The following OPN4 variants were observed in gnomAD, a reference collection of about 807,000 sequenced individuals.
OPN4 encodes opsin 4, also known as melanopsin.
In OPN4, 43 loss-of-function variants were observed where a neutral mutation model predicts 49.5. The observed-to-expected ratio is 0.87, with a 90% confidence interval of 0.68 to 1.12. OPN4 has a LOEUF of 1.12. OPN4 is among the 50% of genes most tolerant of loss of function. The pLI is 0.00. For synonymous variants in OPN4, 263 were observed against 258.0 expected, an observed-to-expected ratio of 1.02 and a Z score of -0.19; for missense variants, 657 against 643.9, an observed-to-expected ratio of 1.02 and a Z score of -0.22.
At chr10:86,659,268 A>G (rs1843943258) in intron 4 of OPN4, 29 bp from the exon 5 acceptor site, 1 of 1,594,060 alleles carries the variant, frequency 6.3e-7, no homozygotes, top group Non-Finnish European at 8.5e-7. Context: ...GTGCCGCCCC[A>G]AAGGCTGAGC....
Position 86,665,875 on chromosome 10 carries a change from T to G in OPN4, c.*124T>G. The G allele has an allele frequency of 1.3e-6, 1 of 772,202 alleles. No individual in the cohort carries two copies. Among genetic ancestry groups the G allele is most frequent in the East Asian group, 2.5e-5 (1 of 39,416 alleles). 47.8% of individuals were successfully genotyped at this position (772,202 alleles called of 1,614,324 possible). Reference sequence around the variant, plus strand: ...TTGGAAGTGGCCCTGTCACCCGTGCTGCACGGGATTCACAGCCCCAGCCCC... The same window carrying G: ...TTGGAAGTGGCCCTGTCACCCGTGCGGCACGGGATTCACAGCCCCAGCCCC... On this transcript the variant is annotated 3_prime_UTR_variant, in exon 10 of 10. Coordinates refer to ENST00000241891, the MANE Select transcript of OPN4 (RefSeq NM_033282.4).
intron 9 of OPN4, 67 bp from the exon 10 acceptor site, chr10:86,665,646 G>C (rs200393031): frequency 2.5e-5 from 34 of 1,354,570 alleles, no homozygotes; most frequent in Non-Finnish European, 5.3e-6. Context: ...GTGTGTGGAG[G>C]GTCATCGGGA....
intron 5 of OPN4, 62 bp from the exon 6 acceptor site, chr10:86,659,833 C>A: frequency 6.4e-7 from 1 of 1,557,420 alleles, no homozygotes; most frequent in Non-Finnish European, 8.8e-7. Flanking sequence ...CAACAGCAGC[C>A]GTGACCCTGG....
chr10:86,656,737 G>T (rs1284414234), intron 2 of OPN4, among the ~76,000 whole-genome samples: 1 of 151,992 alleles, frequency 6.6e-6, no homozygotes, highest in Non-Finnish European at 1.5e-5. Context: ...CTGAGATCAG[G>T]GTTCGAGACC....
At chr10:86,658,865 C>A (rs1412826384) in intron 4 of OPN4, among the ~76,000 whole-genome samples, 178 bp downstream of exon 4, 1 of 152,168 alleles carries the variant, frequency 6.6e-6, no homozygotes. Flanking sequence ...ACTGACACTG[C>A]CCCATCAGGG....
chr10:86,663,770 C>A lies in OPN4; in HGVS notation c.1366C>A (p.Pro456Thr). The change falls in exon 9 of 10, where the codon CCC becomes ACC. Residue 456 changes from proline (P) to threonine (T), a missense_variant. Coordinates refer to ENST00000241891, the MANE Select transcript of OPN4 (RefSeq NM_033282.4). ...CTTGGAAGCCAAGGCACCCCCCAGA[C>A]CCCAGGGACACGAAGCAGAGACTCC... ...EDLEAKAPPR[P>T]QGHEAETPGK... 1 of 1,559,354 alleles carries A rather than the reference C, an allele frequency of 6.4e-7. No homozygotes were observed. The highest frequency in any genetic ancestry group is 1.2e-5 in the South Asian group (1 of 84,586).
At chr10:86,656,076 A>C in intron 1 of OPN4, 79 bp from the exon 2 acceptor site, 1 of 1,592,512 alleles carries the variant, frequency 6.3e-7, no homozygotes, top group Non-Finnish European at 8.6e-7. Context: ...CCTGTTGAGA[A>C]TCCTAACTCT....
At chr10:86,661,572 C>T in intron 7 of OPN4, among the ~76,000 whole-genome samples, 184 bp downstream of exon 7, 1 of 152,144 alleles carries the variant, frequency 6.6e-6, no homozygotes, top group East Asian at 1.9e-4. Flanking sequence ...GCCCCAGCTT[C>T]CCAGGGGTCA....
chr10:86,658,383 G>T, intron 3 of OPN4, 101 bp from the exon 4 acceptor site: 1 of 1,349,804 alleles, frequency 7.4e-7, no homozygotes, highest in East Asian at 2.5e-5. Flanking sequence ...GGGGTGGAGT[G>T]CGCTCAGTCC....
At chr10:86,658,800 T>G in intron 4 of OPN4, 113 bp downstream of exon 4, 1 of 1,041,130 alleles carries the variant, frequency 9.6e-7, no homozygotes, top group Non-Finnish European at 1.4e-6. Flanking sequence ...GCCCAGGAGC[T>G]ACCTGAGCCT....
intron 6 of OPN4, among the ~76,000 whole-genome samples, 177 bp downstream of exon 6, chr10:86,660,236 C>A (rs1327747899): frequency 6.6e-6 from 1 of 152,212 alleles, no homozygotes; most frequent in Non-Finnish European, 1.5e-5. Context: ...GGGTGGGGGG[C>A]CACCTAGTTC....
chr10:86,657,051 C>T (rs1843886391), intron 2 of OPN4: 2 of 626,038 alleles, frequency 3.2e-6, no homozygotes, highest in Admixed American at 2.4e-5. Flanking sequence ...TGCCCCCCTG[C>T]CTGGCTCAGT....
At chr10:86,665,160 G>A (rs570222238) in intron 9 of OPN4, among the ~76,000 whole-genome samples, 1 of 152,242 alleles carries the variant, frequency 6.6e-6, no homozygotes, top group African/African-American at 2.4e-5. Context: ...TGTGACCCTG[G>A]GAGCAGCCAG....
Position 86,660,037 on chromosome 10 carries a change from G to A in OPN4, c.943G>A (p.Val315Met), listed in dbSNP as rs1298304753. 6.2e-7 allele frequency: 1 copy of A among 1,614,182 alleles called. No individual in the cohort carries two copies. The highest frequency in any genetic ancestry group is 8.5e-7 in the Non-Finnish European group (1 of 1,180,026). Residue 315 changes from valine (V) to methionine (M), a missense_variant, in exon 6 of 10, where the codon GTG becomes ATG. Transcript: ENST00000241891. ...GCTCTCCTGGGCTCCCTATTCCGCT[G>A]TGGCCCTGGTGGCCTTTGCTGGGTA... ...FVLSWAPYSA[V>M]ALVAFAGYAH...
chr10:86,659,858 C>A, intron 5 of OPN4, 37 bp from the exon 6 acceptor site: 1 of 1,606,446 alleles, frequency 6.2e-7, no homozygotes, highest in South Asian at 1.1e-5. Flanking sequence ...GACTGCCACC[C>A]GACTAGGGTC....
intron 5 of OPN4, 102 bp downstream of exon 5, chr10:86,659,570 G>T: frequency 6.8e-7 from 1 of 1,460,344 alleles, no homozygotes; most frequent in South Asian, 1.4e-5. Context: ...ACCAGAGCAT[G>T]ACCAGTGGGT....
chr10:86,656,989 C>T (rs1172172715), intron 2 of OPN4, among the ~76,000 whole-genome samples: 8 of 151,248 alleles, frequency 5.3e-5, no homozygotes, highest in Non-Finnish European at 1.2e-4. Flanking sequence ...GGACCAGCAT[C>T]CTCAAGTCCC....
Position 86,661,376 on chromosome 10 carries a change from A to G in OPN4, c.1061A>G (p.His354Arg). Reference protein sequence around the residue: ...IHNPIIYAITHPKYRVAIAQH... With the variant: ...IHNPIIYAITRPKYRVAIAQH... Reference sequence around the variant, plus strand: ...AACCCCATCATTTACGCCATCACCCACCCCAAGTACAGGTGTGGCTCTTTT... The same window carrying G: ...AACCCCATCATTTACGCCATCACCCGCCCCAAGTACAGGTGTGGCTCTTTT... The change falls in exon 7 of 10, where the codon CAC (histidine) becomes CGC (arginine). Residue 354 changes from histidine to arginine, a missense_variant. By Grantham distance (29) the His-to-Arg change is conservative (BLOSUM62 0). Transcript: ENST00000241891. The G allele has an allele frequency of 6.2e-7, 1 of 1,612,934 alleles. No individual in the cohort carries two copies. Among genetic ancestry groups the G allele is most frequent in the African/African-American group, 1.3e-5 (1 of 74,856 alleles).
chr10:86,663,770 C>T lies in OPN4; in HGVS notation c.1366C>T (p.Pro456Ser). The T allele has an allele frequency of 1.3e-6, 2 of 1,559,354 alleles. No homozygotes were observed. The highest frequency in any genetic ancestry group is 1.7e-6 in the Non-Finnish European group (2 of 1,151,900). The change falls in exon 9 of 10, where the codon CCC becomes TCC. Residue 456 changes from proline to serine, a missense_variant. Pro to Ser is a moderately conservative substitution (Grantham distance 74). Coordinates refer to ENST00000241891, the MANE Select transcript of OPN4 (RefSeq NM_033282.4). ...CTTGGAAGCCAAGGCACCCCCCAGACCCCAGGGACACGAAGCAGAGACTCC... is the reference window on the plus strand; with the variant it reads ...CTTGGAAGCCAAGGCACCCCCCAGATCCCAGGGACACGAAGCAGAGACTCC... ...EDLEAKAPPR[P>S]QGHEAETPGK...
Sources: gnomAD v4.1 joint callset for allele counts (sites outside exome capture counted in the v4.1 genomes callset) on GRCh38, gnomAD v4.1.1 for gene constraint, MANE v1.5 for transcripts, NCBI Gene and HGNC (gene_info 2026-07-23, HGNC 2026-07-21) for gene names.